RHOA: variants seen among roughly 807,000 people sequenced by gnomAD.
The protein encoded by RHOA is transforming protein RhoA.
Under a neutral mutation model 17.5 loss-of-function variants are expected in RHOA, and 3 were observed. The ratio of observed to expected loss-of-function variants is 0.17; its 90% CI spans 0.08 to 0.44. The LOEUF (loss-of-function observed/expected upper bound fraction) is 0.44. Ranked by LOEUF, RHOA falls within the 20% of genes least tolerant of loss-of-function variation. The pLI, the probability that RHOA is intolerant of heterozygous loss-of-function variation, is 0.99. For synonymous variants in RHOA, 98 were observed against 88.4 expected (o/e 1.11, Z -0.61); for missense variants, 56 against 242.3 (o/e 0.23, Z 5.10).
At chr3:49,369,928 G>A (rs1008230007) in intron 2 of RHOA, among the ~76,000 whole-genome samples, 1 of 152,062 alleles carries the variant, frequency 6.6e-6, no homozygotes, top group Admixed American at 6.6e-5. Context: ...TTAGCTGGGC[G>A]TGGTGAAGCA....
intron 1 of RHOA, among the ~76,000 whole-genome samples, chr3:49,394,825 AGAT>A (rs2048585582): frequency 6.6e-6 from 1 of 152,208 alleles, no homozygotes; most frequent in Non-Finnish European, 1.5e-5. Context: ...GCTTCAGATA[AGAT>A]GATATCTGAC....
intron 1 of RHOA, among the ~76,000 whole-genome samples, chr3:49,410,295 AC>A (rs2048911631): frequency 6.6e-6 from 1 of 152,148 alleles, no homozygotes; most frequent in Admixed American, 6.6e-5. Flanking sequence ...AGTCTCTGGG[AC>A]TCAGTTTGCT....
At chr3:49,377,398 G>A (rs1290026963) in intron 1 of RHOA, among the ~76,000 whole-genome samples, 6 of 152,022 alleles carry the variant, frequency 3.9e-5, no homozygotes, top group Admixed American at 6.6e-5. Context: ...AGTTCAAGAC[G>A]AGCCTGGGAA....
intron 3 of RHOA, among the ~76,000 whole-genome samples, chr3:49,362,869 C>T (rs1445993894): frequency 6.6e-6 from 1 of 152,046 alleles, no homozygotes; most frequent in Non-Finnish European, 1.5e-5. Context: ...TAGGTGGGGC[C>T]CGAGTAAGGG....
At chr3:49,405,610 G>A (rs2048820294) in intron 1 of RHOA, among the ~76,000 whole-genome samples, 1 of 152,176 alleles carries the variant, frequency 6.6e-6, no homozygotes, top group Non-Finnish European at 1.5e-5. Flanking sequence ...TCAAGTGTCA[G>A]AGCTAGTATT....
chr3:49,391,819 T>G (rs1559511055), intron 1 of RHOA, among the ~76,000 whole-genome samples: 1 of 139,870 alleles, frequency 7.1e-6, no homozygotes, highest in Non-Finnish European at 1.6e-5. Flanking sequence ...CCTAATTAAT[T>G]TATCTTTTTT....
chr3:49,395,250 C>CAA (rs1212231450), intron 1 of RHOA, among the ~76,000 whole-genome samples: 1 of 111,862 alleles, frequency 8.9e-6, no homozygotes, highest in Admixed American at 9.5e-5. Flanking sequence ...GACTCCGTCT[C>CAA]AAAAAAAAAA....
At chr3:49,403,993 A>T (rs1295446944) in intron 1 of RHOA, among the ~76,000 whole-genome samples, 1 of 148,882 alleles carries the variant, frequency 6.7e-6, no homozygotes, top group East Asian at 1.9e-4. Context: ...TACAAACTGT[A>T]ACCTGAATAG....
chr3:49,384,541 CTG>C (rs1169928726), intron 1 of RHOA, among the ~76,000 whole-genome samples: 1 of 151,728 alleles, frequency 6.6e-6, no homozygotes, highest in African/African-American at 2.4e-5. Flanking sequence ...CAGGGTCTCA[CTG>C]TCATCCAGGC....
intron 1 of RHOA, among the ~76,000 whole-genome samples, chr3:49,382,415 G>C (rs1267180001): frequency 6.6e-6 from 1 of 151,936 alleles, no homozygotes; most frequent in African/African-American, 2.4e-5. Flanking sequence ...CAGGCAAATT[G>C]CTTGAGCCTA....
At chr3:49,397,370 A>G (rs1394454618) in intron 1 of RHOA, among the ~76,000 whole-genome samples, 1 of 152,140 alleles carries the variant, frequency 6.6e-6, no homozygotes, top group Admixed American at 6.6e-5. Context: ...TGAGGTGATA[A>G]TAATGTTCTA....
chr3:49,373,750 C>A (rs1307773776), intron 2 of RHOA, among the ~76,000 whole-genome samples: 2 of 151,540 alleles, frequency 1.3e-5, no homozygotes, highest in Non-Finnish European at 2.9e-5. Context: ...GCTGCATGAT[C>A]ATGTCACAGC....
chr3:49,404,091 G>A (rs572068545), intron 1 of RHOA, among the ~76,000 whole-genome samples: 1 of 103,022 alleles, frequency 9.7e-6, no homozygotes, highest in South Asian at 2.4e-4. Context: ...TTTGAGCCCA[G>A]GAGTCTGAGA....
chr3:49,381,171 G>A (rs2048310689), intron 1 of RHOA, among the ~76,000 whole-genome samples: 2 of 151,966 alleles, frequency 1.3e-5, no homozygotes, highest in African/African-American at 2.4e-5. Flanking sequence ...TTGGGAGGCT[G>A]AGGTAGGCGG....
chr3:49,407,080 A>G (rs11717485), intron 1 of RHOA, among the ~76,000 whole-genome samples: 148,470 of 152,144 alleles, frequency 0.98, 72,558 homozygotes, highest in Middle Eastern at 1. Flanking sequence ...CTGGGAAACA[A>G]AGGTTGAAGT....
chr3:49,393,672 CTCTCTGTGTGTGTGTGTGTGTGTGTG>C lies in RHOA; in HGVS notation c.-2-18107_-2-18082del, dbSNP rs1575670339. Among the ~76,000 whole-genome samples the C allele has an allele frequency of 4.1e-4, 22 of 54,238 alleles. No homozygotes were observed. The East Asian group carries it at 0.062, about 152-fold the overall frequency. The allele number at this position is 54,238 out of a possible 152,430, so 35.6% of individuals were successfully genotyped here. On this transcript the variant is annotated intron_variant, in intron 1 of 4. Transcript: ENST00000418115. ...CCACAGGTCCCTTGTCTCAAATTCT[CTCTCTGTGTGTGTGTGTGTGTGTGTG>C]TGTGTGTGTGTGTGTGTGTGTGTGT...
Position 49,405,257 on chromosome 3 carries a change from CA to C in RHOA, c.-3+6562del, listed in dbSNP as rs56912055. The stretch of plus-strand genomic sequence containing the variant: ...TGGGTGACAGAGCGAGACTGTGTCT[CA>C]AAAAAAAAAAAAAAAAAAAAAAAAT... On this transcript the variant is annotated intron_variant, in intron 1 of 4. Transcript: ENST00000418115. Among the ~76,000 whole-genome samples the C allele has an allele frequency of 2.4e-3, 265 of 109,956 alleles. 1 individual carries two copies. Among genetic ancestry groups the C allele is most frequent in the African/African-American group, 9.0e-3 (218 of 24,314 alleles). The allele number at this position is 109,956 out of a possible 152,430, so 72.1% of individuals were successfully genotyped here.
intron 1 of RHOA, among the ~76,000 whole-genome samples, chr3:49,382,448 A>C (rs145208267): frequency 3.9e-5 from 6 of 152,246 alleles, no homozygotes; most frequent in Admixed American, 1.3e-4. Flanking sequence ...CATCCTAAAC[A>C]ACACAGTGAA....
rs2048573147 is a variant in RHOA at position 49,394,154 on chromosome 3, G to A, written c.-3+17666C>T. Among the ~76,000 whole-genome samples the A allele has an allele frequency of 1.3e-5, 2 of 152,032 alleles. 1 individual carries two copies. The highest frequency in any genetic ancestry group is 4.1e-4 in the South Asian group (2 of 4,820). ...CAAAGTGCTGGGATTACAGGTGTGA[G>A]CCACCGCCCCCGGCCTAATTTTTGT... On this transcript the variant is annotated intron_variant, in intron 1 of 4. Transcript: ENST00000418115.
Sources: allele counts gnomAD v4.1 joint callset (sites outside exome capture counted in the v4.1 genomes callset), GRCh38; gene constraint gnomAD v4.1.1; transcripts MANE v1.5; gene names NCBI Gene and HGNC (gene_info 2026-07-23, HGNC 2026-07-21).